Variants in PPP1R42 observed in about 807,000 individuals in gnomAD.
PPP1R42 encodes the protein protein phosphatase 1 regulatory subunit 42, also known as leucine rich repeat containing 67.
Under a neutral mutation model 31.0 loss-of-function variants are expected in PPP1R42, and 34 were observed. That is an observed-to-expected ratio of 1.10 (90% CI 0.83 to 1.46). The LOEUF (loss-of-function observed/expected upper bound fraction) is 1.46, where lower values mean the gene tolerates loss of function less well. Ranked by LOEUF, PPP1R42 falls within the 40% of genes most tolerant of loss-of-function variation. PPP1R42 has a pLI of 0.00. For synonymous variants in PPP1R42, 103 were observed against 109.8 expected, an observed-to-expected ratio of 0.94 and a Z score of 0.39; for missense variants, 268 against 303.0, an observed-to-expected ratio of 0.88 and a Z score of 0.86.
intron 5 of PPP1R42, among the ~76,000 whole-genome samples, chr8:66,998,976 G>T (rs571691530): frequency 6.6e-6 from 1 of 152,190 alleles, no homozygotes; most frequent in Non-Finnish European, 1.5e-5. Context: ...TGTTCATAGG[G>T]TATATTGCTC....
chr8:67,002,305 C>G lies in PPP1R42; in HGVS notation c.552+8410G>C, dbSNP rs535349575. Among the ~76,000 whole-genome samples the G allele has an allele frequency of 2.6e-5, 4 of 152,294 alleles. No homozygotes were observed. In the East Asian group the frequency reaches 7.7e-4, roughly 29 times the overall value. On this transcript the variant is annotated intron_variant, in intron 5 of 7. Transcript: ENST00000685739. Reference sequence around the variant, plus strand: ...ACCTCTGACTCCCGGGTTCAAGCAACTCTCCTGCCTCAGCTTCCCAAGTAG... The same window carrying G: ...ACCTCTGACTCCCGGGTTCAAGCAAGTCTCCTGCCTCAGCTTCCCAAGTAG...
chr8:66,965,617 C>T (rs951092331), intron 7 of PPP1R42, among the ~76,000 whole-genome samples: 7 of 151,724 alleles, frequency 4.6e-5, no homozygotes, highest in Non-Finnish European at 7.4e-5. Flanking sequence ...CCCAGCTTAA[C>T]GTTATAAGAA....
At chr8:67,002,245 G>A (rs1460792570) in intron 5 of PPP1R42, among the ~76,000 whole-genome samples, 5 of 152,130 alleles carry the variant, frequency 3.3e-5, no homozygotes, top group African/African-American at 7.2e-5. Flanking sequence ...TGTTGCCCAG[G>A]CTGGAGTGCA....
At chr8:66,977,528 T>G (rs548656410) in intron 7 of PPP1R42, among the ~76,000 whole-genome samples, 1 of 151,916 alleles carries the variant, frequency 6.6e-6, no homozygotes, top group African/African-American at 2.4e-5. Flanking sequence ...TTTTTTTAGA[T>G]GGAGTCTCGC....
intron 7 of PPP1R42, among the ~76,000 whole-genome samples, chr8:66,966,523 C>T (rs1260060961): frequency 2.6e-5 from 4 of 152,142 alleles, no homozygotes; most frequent in South Asian, 4.1e-4. Context: ...CGGTGGTTCA[C>T]GCCTGTAATC....
At chr8:67,010,436 T>G (rs1469436679) in intron 5 of PPP1R42, among the ~76,000 whole-genome samples, 1 of 152,098 alleles carries the variant, frequency 6.6e-6, no homozygotes, top group Non-Finnish European at 1.5e-5. Context: ...GAAGAAAAAG[T>G]TTGATGGGAA....
At chr8:67,026,152 A>G (rs1345304203) in intron 1 of PPP1R42, among the ~76,000 whole-genome samples, 1 of 151,640 alleles carries the variant, frequency 6.6e-6, no homozygotes, top group Admixed American at 6.6e-5. Context: ...CCTGACCAAT[A>G]TGATGAAACC....
At chr8:66,984,515 T>A in intron 6 of PPP1R42, 1 of 1,261,898 alleles carries the variant, frequency 7.9e-7, no homozygotes. Context: ...ATCTTGAACT[T>A]CTTGGCTGGG....
intron 5 of PPP1R42, among the ~76,000 whole-genome samples, chr8:66,997,587 C>A (rs1412441284): frequency 6.7e-6 from 1 of 149,550 alleles, no homozygotes; most frequent in Non-Finnish European, 1.5e-5. Flanking sequence ...CACTCTGTTG[C>A]CCAGGCTGAA....
chr8:66,970,981 C>G (rs1213720727), intron 7 of PPP1R42: 1 of 1,518,988 alleles, frequency 6.6e-7, no homozygotes, highest in Admixed American at 2.0e-5. Flanking sequence ...AAGAACCTAC[C>G]CCATCTCTTA....
intron 5 of PPP1R42, among the ~76,000 whole-genome samples, chr8:67,006,488 C>T (rs1027934173): frequency 2.0e-5 from 3 of 152,112 alleles, no homozygotes; most frequent in Admixed American, 6.5e-5. Flanking sequence ...GACTGAGTAC[C>T]TAAGTACAGG....
chr8:67,014,737 TAAAAC>T (rs1815950458), intron 2 of PPP1R42, 145 bp from the exon 3 acceptor site: 2 of 529,024 alleles, frequency 3.8e-6, no homozygotes, highest in Non-Finnish European at 6.4e-6. Flanking sequence ...TTGGCACAGT[TAAAAC>T]AAGACTAGAC....
intron 6 of PPP1R42, chr8:66,986,130 TG>T (rs1815004533): frequency 1.5e-6 from 1 of 674,460 alleles, no homozygotes; most frequent in East Asian, 3.0e-5. Context: ...TCAATGCTGC[TG>T]TGACCACTGT....
intron 7 of PPP1R42, among the ~76,000 whole-genome samples, chr8:66,965,390 A>G (rs149630765): frequency 5.3e-5 from 8 of 151,888 alleles, no homozygotes; most frequent in African/African-American, 1.7e-4. Flanking sequence ...GAAAATAACC[A>G]GGAGTGAACC....
chr8:67,028,403 C>A, intron 1 of PPP1R42, 88 bp downstream of exon 1: 4 of 703,568 alleles, frequency 5.7e-6, no homozygotes, highest in Non-Finnish European at 7.0e-6. Context: ...TAACAAATGT[C>A]CCGGAAAGTC....
chr8:66,984,089 A>G, intron 6 of PPP1R42: 1 of 1,532,580 alleles, frequency 6.5e-7, no homozygotes, highest in Non-Finnish European at 9.0e-7. Context: ...GAGAGGACAG[A>G]AGAGACAAAG....
chr8:66,964,490 A>G (rs1263449766), intron 7 of PPP1R42, among the ~76,000 whole-genome samples, 156 bp from the exon 8 acceptor site: 3 of 152,218 alleles, frequency 2.0e-5, no homozygotes, highest in Admixed American at 6.5e-5. Context: ...TTAAAAAGGA[A>G]GCAGAAACAA....
At chr8:66,975,321 T>TA (rs1814637447) in intron 7 of PPP1R42, among the ~76,000 whole-genome samples, 1 of 152,218 alleles carries the variant, frequency 6.6e-6, no homozygotes, top group African/African-American at 2.4e-5. Flanking sequence ...TCTTTTCAGA[T>TA]AGTTTGTTGC....
intron 7 of PPP1R42, among the ~76,000 whole-genome samples, chr8:66,974,235 C>T (rs753128274): frequency 2.6e-5 from 4 of 152,114 alleles, no homozygotes; most frequent in Admixed American, 6.6e-5. Flanking sequence ...TTCTTCACAT[C>T]CTCTGTAACA....
Sources: gnomAD v4.1 joint callset for allele counts (sites outside exome capture counted in the v4.1 genomes callset) on GRCh38, gnomAD v4.1.1 for gene constraint, MANE v1.5 for transcripts, NCBI Gene and HGNC (gene_info 2026-07-23, HGNC 2026-07-21) for gene names.